Variants in ABI2 observed in about 807,000 individuals in gnomAD.
The protein encoded by ABI2 is abl interactor 2, also known as abelson interactor 2.
Under a neutral mutation model 59.2 loss-of-function variants are expected in ABI2, and 25 were observed. The ratio of observed to expected loss-of-function variants is 0.42; its 90% CI spans 0.31 to 0.59. The LOEUF is 0.59. ABI2 is among the 20% of genes least tolerant of loss of function. ABI2 has a pLI of 0.14. For missense variants in ABI2, 545 were observed against 681.8 expected, an observed-to-expected ratio of 0.80 and a Z score of 2.23; for synonymous variants, 213 against 235.5, an observed-to-expected ratio of 0.90 and a Z score of 0.87.
chr2:203,372,986 G>A (rs1335709603), intron 2 of ABI2, among the ~76,000 whole-genome samples: 3 of 152,056 alleles, frequency 2.0e-5, no homozygotes, highest in Admixed American at 6.5e-5. Flanking sequence ...AGACTGGGCA[G>A]CCAGGCAGAG....
chr2:203,378,402 T>G (rs530576154), intron 2 of ABI2, among the ~76,000 whole-genome samples: 1 of 152,226 alleles, frequency 6.6e-6, no homozygotes, highest in Non-Finnish European at 1.5e-5. Flanking sequence ...TGAGCCACCA[T>G]GCCTGGCTGA....
intron 1 of ABI2, among the ~76,000 whole-genome samples, chr2:203,329,904 T>G (rs2071814550): frequency 6.6e-6 from 1 of 151,952 alleles, no homozygotes; most frequent in South Asian, 2.1e-4. Context: ...AGCCGGCTAA[T>G]TTTTGTATTT....
chr2:203,368,909 TG>T (rs1391764301), intron 2 of ABI2, among the ~76,000 whole-genome samples: 2 of 150,972 alleles, frequency 1.3e-5, no homozygotes, highest in African/African-American at 4.9e-5. Context: ...CTCGAACTCC[TG>T]GGCTCAAGGG....
At chr2:203,368,014 TAAAAA>T (rs934744491) in intron 2 of ABI2, among the ~76,000 whole-genome samples, 1 of 151,332 alleles carries the variant, frequency 6.6e-6, no homozygotes. Context: ...CAAAAAAAAA[TAAAAA>T]AAAGTAGCCA....
At chr2:203,400,271 T>A (rs972710145) in intron 8 of ABI2, among the ~76,000 whole-genome samples, 2 of 151,830 alleles carry the variant, frequency 1.3e-5, no homozygotes, top group Non-Finnish European at 2.9e-5. Flanking sequence ...GTATTTTTAA[T>A]GGAGACAAAG....
At chr2:203,358,663 A>G (rs986058269) in intron 1 of ABI2, among the ~76,000 whole-genome samples, 1 of 152,064 alleles carries the variant, frequency 6.6e-6, no homozygotes, top group Non-Finnish European at 1.5e-5. Flanking sequence ...TAGGCCTTGT[A>G]TATTAATAGT....
intron 1 of ABI2, among the ~76,000 whole-genome samples, chr2:203,343,279 G>A (rs1001910539): frequency 6.6e-6 from 1 of 152,160 alleles, no homozygotes; most frequent in African/African-American, 2.4e-5. Context: ...CAGGAGAATC[G>A]CATGAACTCG....
At chr2:203,412,341 G>A (rs1465588122) in intron 10 of ABI2, among the ~76,000 whole-genome samples, 7 of 152,122 alleles carry the variant, frequency 4.6e-5, no homozygotes, top group Admixed American at 6.5e-5. Context: ...TTTGGTCCCT[G>A]CTTTTTTCTG....
intron 9 of ABI2, among the ~76,000 whole-genome samples, chr2:203,405,801 T>C (rs576770993): frequency 6.6e-6 from 1 of 152,250 alleles, no homozygotes; most frequent in East Asian, 1.9e-4. Flanking sequence ...TGAATATAAA[T>C]TCAGTGGGGT....
chr2:203,420,165 C>T (rs1018895273), intron 11 of ABI2, among the ~76,000 whole-genome samples: 4 of 152,196 alleles, frequency 2.6e-5, no homozygotes, highest in South Asian at 2.1e-4. Flanking sequence ...TTGTCCTAAA[C>T]GTGAGCTCTG....
chr2:203,365,924 CG>C (rs2152987511), intron 1 of ABI2, among the ~76,000 whole-genome samples: 1 of 152,016 alleles, frequency 6.6e-6, no homozygotes, highest in Admixed American at 6.6e-5. Flanking sequence ...CCACCGTGCC[CG>C]GCCGGGGCTG....
intron 11 of ABI2, among the ~76,000 whole-genome samples, chr2:203,420,789 C>T (rs907054979): frequency 2.6e-5 from 4 of 152,096 alleles, no homozygotes; most frequent in Admixed American, 1.3e-4. Context: ...TTAATTCTTT[C>T]TGGGGAATTC....
chr2:203,397,592 C>T (rs868022673), intron 8 of ABI2, among the ~76,000 whole-genome samples: 1 of 152,164 alleles, frequency 6.6e-6, no homozygotes, highest in Non-Finnish European at 1.5e-5. Flanking sequence ...TTCTTGTCTG[C>T]TATAAAATGT....
rs71007507 is a variant in ABI2, at chr2:203,365,622, CTTTTTTTTTTT to C, written c.118-1240_118-1230del. On this transcript the variant is annotated intron_variant, in intron 1 of 11. Coordinates refer to ENST00000261018, the MANE Select transcript of ABI2 (RefSeq NM_001375670.1). ...GCTACGTGTTTTCTGGGGCTGTTAT[CTTTTTTTTTTT>C]TTTTTTTTTTTTTTGAGACGGAGTC... Among the ~76,000 whole-genome samples, 282 of 63,958 alleles carry C rather than the reference CTTTTTTTTTTT, an allele frequency of 4.4e-3. 3 individuals carry two copies. The highest frequency in any genetic ancestry group is 0.016 in the African/African-American group (260 of 16,764). The allele number at this position is 63,958 out of a possible 152,430, so 42.0% of individuals were successfully genotyped here.
chr2:203,356,077 G>A (rs1455525363), intron 1 of ABI2, among the ~76,000 whole-genome samples: 1 of 151,996 alleles, frequency 6.6e-6, no homozygotes, highest in African/African-American at 2.4e-5. Flanking sequence ...AAAGCTTATG[G>A]AATCATTTAT....
At position 203,402,465 on chromosome 2, in the gene ABI2, T is replaced by G. The variant is rs1055639825; in HGVS notation, c.1034-111T>G. 11 of 803,016 alleles carry G rather than the reference T, an allele frequency of 1.4e-5. No individual in the cohort carries two copies. In the South Asian group the frequency reaches 5.1e-4, roughly 37 times the overall value. 49.7% of individuals were successfully genotyped at this position (803,016 alleles called of 1,614,324 possible). On this transcript the variant is annotated intron_variant, in intron 8 of 11. Transcript: ENST00000261018. ...TGCATTGTATATTTCAGATACCAGT[T>G]AAACTAGCTGTTATTTTTAATTCTT...
chr2:203,411,420 T>A, intron 10 of ABI2, 49 bp downstream of exon 10: 1 of 1,426,340 alleles, frequency 7.0e-7, no homozygotes, highest in Non-Finnish European at 9.9e-7. Context: ...AGGCATAAAA[T>A]GTCATTTATA....
chr2:203,346,342 T>C (rs1432065617), intron 1 of ABI2, among the ~76,000 whole-genome samples: 1 of 150,556 alleles, frequency 6.6e-6, no homozygotes, highest in African/African-American at 2.5e-5. Flanking sequence ...AAGACTATGT[T>C]TGTTTGTTTG....
intron 4 of ABI2, among the ~76,000 whole-genome samples, chr2:203,385,190 G>T (rs1461306857): frequency 1.5e-5 from 2 of 134,520 alleles, no homozygotes; most frequent in Non-Finnish European, 3.2e-5. Flanking sequence ...GAGTGCAGTG[G>T]TGCCATCTTG....
Sources: gnomAD v4.1 joint callset for allele counts (sites outside exome capture counted in the v4.1 genomes callset) on GRCh38, gnomAD v4.1.1 for gene constraint, MANE v1.5 for transcripts, NCBI Gene and HGNC (gene_info 2026-07-23, HGNC 2026-07-21) for gene names.